The following ULK4 variants were observed in gnomAD, a reference collection of about 807,000 sequenced individuals.
ULK4 encodes inactive serine/threonine-protein kinase ULK4.
In ULK4, 133 loss-of-function variants were observed where a neutral mutation model predicts 160.6. The observed-to-expected ratio is 0.83, with a 90% CI of 0.72 to 0.96. ULK4 has a LOEUF of 0.96. Among genes scored for constraint, ULK4 ranks in the 40% least tolerant of loss-of-function variants. The pLI, the probability that ULK4 is intolerant of heterozygous loss-of-function variation, is 0.00. For synonymous variants in ULK4, 534 were observed against 539.8 expected, an observed-to-expected ratio of 0.99 and a Z score of 0.15; for missense variants, 1,580 against 1,499.5, an observed-to-expected ratio of 1.05 and a Z score of -0.89.
intron 12 of ULK4, among the ~76,000 whole-genome samples, chr3:41,906,304 C>T (rs1698559075): frequency 6.7e-6 from 1 of 150,334 alleles, no homozygotes; most frequent in African/African-American, 2.4e-5. Flanking sequence ...ACAGGAGCAT[C>T]GCTTGAGCTC....
At chr3:41,815,612 C>CA (rs1482455205) in intron 19 of ULK4, among the ~76,000 whole-genome samples, 2 of 152,174 alleles carry the variant, frequency 1.3e-5, no homozygotes, top group East Asian at 3.9e-4. Flanking sequence ...CCTGCACTCC[C>CA]AGCTGCAAAT....
intron 31 of ULK4, among the ~76,000 whole-genome samples, chr3:41,607,130 T>TG (rs921589050): frequency 6.6e-6 from 1 of 152,092 alleles, no homozygotes; most frequent in Non-Finnish European, 1.5e-5. Context: ...TTTTTGGATA[T>TG]GGTGAGAGAG....
At chr3:41,650,841 T>C (rs561878594) in intron 30 of ULK4, among the ~76,000 whole-genome samples, 2 of 152,332 alleles carry the variant, frequency 1.3e-5, no homozygotes, top group South Asian at 4.1e-4. Flanking sequence ...CAGGTGGTGG[T>C]CTGGATCTGG....
Position 41,835,923 on chromosome 3 carries a change from T to C in ULK4, c.1705A>G (p.Lys569Glu), listed in dbSNP as rs1223991404. Residue 569 changes from lysine to glutamate, a missense_variant, in exon 18 of 37, where the codon AAA becomes GAA. By Grantham distance (56) the Lys-to-Glu change is moderately conservative. Coordinates refer to ENST00000301831, the MANE Select transcript of ULK4 (RefSeq NM_017886.4). ...ELIRENFRNS[K>E]LKQCLLPTLG... is the part of the protein sequence containing the mutation. Reference sequence around the variant, plus strand: ...GTTGGTAAAAGGCACTGTTTTAATTTGCTGTTCCTGAAGTTTTCCCTAATT... The same window carrying C: ...GTTGGTAAAAGGCACTGTTTTAATTCGCTGTTCCTGAAGTTTTCCCTAATT... 6.2e-7 allele frequency: 1 copy of C among 1,613,408 alleles called. No individual in the cohort carries two copies. The highest frequency in any genetic ancestry group is 1.1e-5 in the South Asian group (1 of 90,924).
chr3:41,585,580 A>ATC (rs1311672008), intron 31 of ULK4, among the ~76,000 whole-genome samples: 2 of 152,234 alleles, frequency 1.3e-5, no homozygotes, highest in Non-Finnish European at 2.9e-5. Flanking sequence ...AAGAAAACAT[A>ATC]GAGGAAAGCT....
At chr3:41,491,377 A>G (rs1172314791) in intron 32 of ULK4, among the ~76,000 whole-genome samples, 1 of 152,194 alleles carries the variant, frequency 6.6e-6, no homozygotes, top group African/African-American at 2.4e-5. Flanking sequence ...ACTAGAAGCA[A>G]CAATGACCAC....
intron 21 of ULK4, among the ~76,000 whole-genome samples, chr3:41,772,664 C>G (rs1227480948): frequency 2.6e-5 from 4 of 152,152 alleles, no homozygotes; most frequent in African/African-American, 7.2e-5. Context: ...GGTACCATTC[C>G]TTCTGAAACT....
chr3:41,808,476 A>G (rs1413341041), intron 19 of ULK4, among the ~76,000 whole-genome samples: 2 of 152,310 alleles, frequency 1.3e-5, no homozygotes, highest in African/African-American at 2.4e-5. Context: ...TCCATCTTCA[A>G]TCCCCTGTGG....
At chr3:41,849,287 T>A (rs1028957940) in intron 17 of ULK4, among the ~76,000 whole-genome samples, 1 of 152,222 alleles carries the variant, frequency 6.6e-6, no homozygotes, top group Non-Finnish European at 1.5e-5. Flanking sequence ...CAGTAAACTA[T>A]TGCATCCATA....
intron 32 of ULK4, among the ~76,000 whole-genome samples, chr3:41,554,217 C>T (rs1264242276): frequency 6.6e-6 from 1 of 152,132 alleles, no homozygotes; most frequent in Non-Finnish European, 1.5e-5. Context: ...CAAAAGGATA[C>T]CTGCACCTCT....
At chr3:41,771,492 T>C (rs1226894593) in intron 21 of ULK4, among the ~76,000 whole-genome samples, 4 of 152,164 alleles carry the variant, frequency 2.6e-5, no homozygotes, top group Admixed American at 2.6e-4. Flanking sequence ...ATATTATTAG[T>C]AAACATCAAA....
intron 27 of ULK4, among the ~76,000 whole-genome samples, chr3:41,704,341 A>G (rs1164087763): frequency 6.6e-6 from 1 of 152,192 alleles, no homozygotes; most frequent in Non-Finnish European, 1.5e-5. Context: ...GGGAAAGTTA[A>G]GGAGGGAAGG....
At chr3:41,799,437 C>T (rs2040392690) in intron 20 of ULK4, among the ~76,000 whole-genome samples, 1 of 152,124 alleles carries the variant, frequency 6.6e-6, no homozygotes, top group Non-Finnish European at 1.5e-5. Context: ...TTCATCTGAA[C>T]CACATGATAA....
chr3:41,699,164 T>C (rs114191739), intron 27 of ULK4, among the ~76,000 whole-genome samples: 142 of 152,318 alleles, frequency 9.3e-4, no homozygotes, highest in African/African-American at 3.3e-3. Flanking sequence ...TAGTAGCTAC[T>C]GCCCAATAGT....
At chr3:41,888,027 T>G (rs1481481198) in intron 16 of ULK4, among the ~76,000 whole-genome samples, 3 of 152,054 alleles carry the variant, frequency 2.0e-5, no homozygotes, top group Admixed American at 1.3e-4. Flanking sequence ...TGTTTTTAAT[T>G]TAGCCAGGCA....
At chr3:41,703,204 T>C (rs1374841798) in intron 27 of ULK4, among the ~76,000 whole-genome samples, 2 of 150,116 alleles carry the variant, frequency 1.3e-5, no homozygotes, top group African/African-American at 2.5e-5. Context: ...TGAACATATA[T>C]TGAACACTGC....
intron 5 of ULK4, among the ~76,000 whole-genome samples, chr3:41,924,262 T>C (rs1431517328): frequency 1.3e-5 from 2 of 152,188 alleles, no homozygotes; most frequent in Non-Finnish European, 2.9e-5. Flanking sequence ...TCGCCATACT[T>C]AGACAGTGAA....
chr3:41,472,452 C>A (rs555944800), intron 32 of ULK4, among the ~76,000 whole-genome samples: 1 of 151,884 alleles, frequency 6.6e-6, no homozygotes, highest in South Asian at 2.1e-4. Flanking sequence ...GCCTGTAATG[C>A]CAGCTACTTA....
intron 27 of ULK4, among the ~76,000 whole-genome samples, chr3:41,695,047 C>T (rs907284956): frequency 2.0e-4 from 30 of 152,298 alleles, no homozygotes; most frequent in Non-Finnish European, 8.8e-5. Flanking sequence ...GGTTCAATGT[C>T]TTGTGAGGGC....
Sources: gnomAD v4.1 joint callset for allele counts (sites outside exome capture counted in the v4.1 genomes callset) on GRCh38, gnomAD v4.1.1 for gene constraint, MANE v1.5 for transcripts, NCBI Gene and HGNC (gene_info 2026-07-23, HGNC 2026-07-21) for gene names.